The following MAPK9 variants were observed in gnomAD, a reference collection of about 807,000 sequenced individuals.
MAPK9 encodes mitogen-activated protein kinase 9, also known as Jun kinase.
In MAPK9, 30 loss-of-function variants were observed where a neutral mutation model predicts 57.1. The observed-to-expected ratio is 0.53, with a 90% CI of 0.39 to 0.71. The LOEUF is 0.71. MAPK9 is among the 30% of genes least tolerant of loss of function. MAPK9 has a pLI of 0.00. For missense variants in MAPK9, 362 were observed against 521.0 expected (o/e 0.69, Z 2.97); for synonymous variants, 155 against 177.0 (o/e 0.88, Z 0.99).
intron 3 of MAPK9, among the ~76,000 whole-genome samples, chr5:180,267,935 T>C (rs1212403813): frequency 6.6e-6 from 1 of 152,180 alleles, no homozygotes. Context: ...CTATCTCAGC[T>C]CACTGCAAGC....
chr5:180,291,301 G>A (rs1358346191), intron 1 of MAPK9, among the ~76,000 whole-genome samples: 1 of 151,374 alleles, frequency 6.6e-6, no homozygotes, highest in Non-Finnish European at 1.5e-5. Context: ...GAGTGCGCGG[G>A]GAGGCGGGAG....
intron 7 of MAPK9, chr5:180,246,012 C>T (rs1048044779): frequency 2.6e-5 from 4 of 152,166 alleles, no homozygotes; most frequent in Non-Finnish European, 4.4e-5. Context: ...TAATTACTGA[C>T]ATTAATGTTC....
intron 1 of MAPK9, among the ~76,000 whole-genome samples, 194 bp downstream of exon 1, chr5:180,291,654 C>A (rs1430716781): frequency 6.6e-6 from 1 of 151,808 alleles, no homozygotes; most frequent in Non-Finnish European, 1.5e-5. Context: ...GGCCCGCAGC[C>A]CGGGGCTGCT....
intron 2 of MAPK9, among the ~76,000 whole-genome samples, chr5:180,279,173 G>T (rs1443239457): frequency 6.6e-6 from 1 of 152,098 alleles, no homozygotes; most frequent in African/African-American, 2.4e-5. Flanking sequence ...GGCCAGGATG[G>T]TCTCGATCTC....
At chr5:180,248,538 C>G (rs1758349534) in intron 6 of MAPK9, among the ~76,000 whole-genome samples, 1 of 152,182 alleles carries the variant, frequency 6.6e-6, no homozygotes, top group African/African-American at 2.4e-5. Flanking sequence ...ATGTGTTATT[C>G]TATTTACATC....
chr5:180,253,658 C>G (rs1393303889), intron 5 of MAPK9: 1 of 152,296 alleles, frequency 6.6e-6, no homozygotes. Flanking sequence ...TGCAGGGCCA[C>G]AGGCGCCGCA....
intron 2 of MAPK9, among the ~76,000 whole-genome samples, chr5:180,278,591 C>T (rs181679310): frequency 3.3e-5 from 5 of 152,084 alleles, no homozygotes; most frequent in Admixed American, 6.5e-5. Context: ...TCCCAGCTAC[C>T]GGGAGGCTGA....
chr5:180,275,989 G>A (rs916738949), intron 2 of MAPK9, among the ~76,000 whole-genome samples: 6 of 151,894 alleles, frequency 4.0e-5, no homozygotes, highest in African/African-American at 1.4e-4. Context: ...TCTTAAATGA[G>A]AAGTTCCAAA....
At chr5:180,290,213 C>T (rs1021611363) in intron 1 of MAPK9, among the ~76,000 whole-genome samples, 8 of 152,164 alleles carry the variant, frequency 5.3e-5, no homozygotes, top group Non-Finnish European at 1.2e-4. Flanking sequence ...CTTTAGGGTC[C>T]CCACGACTCT....
At chr5:180,270,176 T>C (rs1561830349) in intron 2 of MAPK9, among the ~76,000 whole-genome samples, 2 of 152,236 alleles carry the variant, frequency 1.3e-5, no homozygotes, top group Admixed American at 6.5e-5. Flanking sequence ...GGGCTACTCA[T>C]GAGGGCTAAC....
At chr5:180,290,722 C>T (rs1406287759) in intron 1 of MAPK9, among the ~76,000 whole-genome samples, 1 of 152,228 alleles carries the variant, frequency 6.6e-6, no homozygotes. Flanking sequence ...GTTTCACACG[C>T]TAATCAGAAG....
chr5:180,291,130 G>A (rs1763188692), intron 1 of MAPK9, among the ~76,000 whole-genome samples: 1 of 151,968 alleles, frequency 6.6e-6, no homozygotes, highest in Non-Finnish European at 1.5e-5. Flanking sequence ...AACAGCAAAT[G>A]CAAAGGTCCT....
Position 180,249,022 on chromosome 5 carries a change from C to T in MAPK9, c.567G>A (p.Arg189=). 2 of 1,613,880 alleles carry T rather than the reference C, an allele frequency of 1.2e-6. No homozygotes were observed. Among genetic ancestry groups the T allele is most frequent in the South Asian group, 1.1e-5 (1 of 91,002 alleles). ...NFMMTPYVVT[R]YYRAPEVILG... ...GGATGACTTCGGGCGCCCGGTAGTA[C>T]CGTGTCACCACGTAAGGGGTCATCA... The change falls in exon 6 of 12, where the codon CGG becomes CGA. Residue 189 remains arginine (R), a synonymous_variant. Coordinates refer to ENST00000452135, the MANE Select transcript of MAPK9 (RefSeq NM_002752.5).
chr5:180,256,412 A>AG (rs1759288981), intron 5 of MAPK9, among the ~76,000 whole-genome samples: 1 of 61,238 alleles, frequency 1.6e-5, no homozygotes, highest in Admixed American at 2.1e-4. Flanking sequence ...GCAGGGGGGC[A>AG]GGGGGCAAGA....
At chr5:180,270,809 A>G (rs2127607829) in intron 2 of MAPK9, among the ~76,000 whole-genome samples, 1 of 143,538 alleles carries the variant, frequency 7.0e-6, no homozygotes, top group South Asian at 2.2e-4. Context: ...TGATCCCTCC[A>G]CTGCACCCCA....
intron 5 of MAPK9, among the ~76,000 whole-genome samples, chr5:180,259,402 G>C (rs1033198309): frequency 6.6e-6 from 1 of 152,166 alleles, no homozygotes; most frequent in Non-Finnish European, 1.5e-5. Context: ...CAAGTCTTCA[G>C]ACATTCCAAT....
Position 180,264,856 on chromosome 5 carries a change from A to G in MAPK9, c.253-17T>C. 6.6e-7 allele frequency: 1 copy of G among 1,511,432 alleles called. No individual in the cohort carries two copies. The highest frequency in any genetic ancestry group is 9.0e-7 in the Non-Finnish European group (1 of 1,116,230). The allele number at this position is 1,511,432 out of a possible 1,614,324, so 93.6% of individuals were successfully genotyped here. On this transcript the variant is annotated splice_polypyrimidine_tract_variant and intron_variant, in intron 3 of 11. Transcript: ENST00000452135. ...ACTAATTATCTGAAAAGAGAAAATT[A>G]ATTATACTTCAATATGTCAGATTAC...
chr5:180,283,528 C>T (rs1762487205), intron 1 of MAPK9, among the ~76,000 whole-genome samples: 1 of 152,214 alleles, frequency 6.6e-6, no homozygotes, highest in Non-Finnish European at 1.5e-5. Context: ...TGCAACTCTC[C>T]CTGCTATAAC....
At position 180,247,292 on chromosome 5, in the gene MAPK9, A is replaced by C; in HGVS notation, c.688+147T>G. 1.3e-6 allele frequency: 1 copy of C among 779,108 alleles called. No homozygotes were observed. The highest frequency in any genetic ancestry group is 2.3e-4 in the Middle Eastern group (1 of 4,272). The allele number at this position is 779,108 out of a possible 1,614,324, so 48.3% of individuals were successfully genotyped here. A position where few individuals can be genotyped will look rare whatever the true frequency, so the allele number is the denominator to read the frequency against. On this transcript the variant is annotated intron_variant, in intron 7 of 11. Coordinates refer to ENST00000452135, the MANE Select transcript of MAPK9 (RefSeq NM_002752.5). The surrounding 1 kb of genome is among the most constrained non-coding windows in gnomAD (Gnocchi z 4.5). ...TTGAACCACTTGGCTTGTGACACTAATTAACAAATACAGTAAAGCCCCCCT... is the reference window on the plus strand; with the variant it reads ...TTGAACCACTTGGCTTGTGACACTACTTAACAAATACAGTAAAGCCCCCCT...
Sources: gnomAD v4.1 joint callset for allele counts (sites outside exome capture counted in the v4.1 genomes callset) on GRCh38, gnomAD v4.1.1 for gene constraint, Gnocchi (gnomAD v3.1) non-coding constraint, MANE v1.5 for transcripts, NCBI Gene and HGNC (gene_info 2026-07-23, HGNC 2026-07-21) for gene names.